Variants in NAV1 observed in about 807,000 individuals in gnomAD.
The protein encoded by NAV1 is pore membrane and/or filament interacting like protein 3.
Under a neutral mutation model 175.2 loss-of-function variants are expected in NAV1, and 18 were observed. The observed-to-expected ratio is 0.10, with a 90% CI of 0.07 to 0.15. The LOEUF (loss-of-function observed/expected upper bound fraction) is 0.15, where lower values mean the gene tolerates loss of function less well. Ranked by LOEUF, NAV1 falls within the 10% of genes least tolerant of loss-of-function variation. NAV1 has a pLI of 1.00. For synonymous variants in NAV1, 897 were observed against 978.7 expected, an observed-to-expected ratio of 0.92 and a Z score of 1.56; for missense variants, 1,731 against 2,436.6, an observed-to-expected ratio of 0.71 and a Z score of 6.10.
rs537774011 is a variant in NAV1, at chr1:201,667,020, A to C, written c.757+17595A>C. Among the ~76,000 whole-genome samples, 328 of 152,276 alleles carry C rather than the reference A, an allele frequency of 2.2e-3. 2 individuals carry two copies. Among genetic ancestry groups the C allele is most frequent in the Non-Finnish European group, 2.4e-3 (164 of 68,016 alleles). ...TCAAGACACCTCTGGGTCAGAATTC[A>C]CCTGAGAGTGTGGGCGCAGCTGAGG... is the stretch of plus-strand genomic sequence containing the variant. On this transcript the variant is annotated intron_variant, in intron 1 of 29. Coordinates refer to ENST00000367296, the Ensembl canonical transcript of NAV1.
rs1421372787 is a variant in NAV1 at position 201,605,225 on chromosome 1, C to G, written c.-33+16576C>G. 2.0e-5 allele frequency among the ~76,000 whole-genome samples: 3 copies of G among 151,172 alleles called. No individual in the cohort carries two copies. The Admixed American group carries it at 2.0e-4, about 10-fold the overall frequency. ...GGTGTTTCTCTACTTTCCACCTTCC[C>G]TCTCCATCCTCTCTGCTCCTTTAGA... is the stretch of plus-strand genomic sequence containing the variant. On this transcript the variant is annotated intron_variant, in intron 2 of 33. Transcript: ENST00000685211.
intron 1 of NAV1, among the ~76,000 whole-genome samples, chr1:201,552,165 AG>A (rs1175201762): frequency 6.6e-6 from 1 of 152,156 alleles, no homozygotes; most frequent in Non-Finnish European, 1.5e-5. Context: ...GATGGCAGGG[AG>A]GGGGCCAGAG....
chr1:201,782,692 C>T lies in NAV1; in HGVS notation c.2180C>T (p.Thr727Ile). 6.2e-7 allele frequency: 1 copy of T among 1,614,190 alleles called. No individual in the cohort carries two copies. Among genetic ancestry groups the T allele is most frequent in the Non-Finnish European group, 8.5e-7 (1 of 1,180,044 alleles). The stretch of plus-strand genomic sequence containing the variant: ...ACCAAGGTAGCCAGTGGGCGGACCA[C>T]TCCAGCCCCTGTCAATCAGACAGAT... Residue 727 changes from threonine to isoleucine, a missense_variant, in exon 6 of 30, where the codon ACT (threonine) becomes ATT (isoleucine). Thr to Ile is a moderately conservative substitution (Grantham distance 89, BLOSUM62 -1). Coordinates refer to ENST00000367296, the Ensembl canonical transcript of NAV1. This position sits in a 1 kb window ranked among gnomAD's most constrained non-coding sequence, Gnocchi z 5.4.
At chr1:201,752,136 G>A (rs767028911) in intron 3 of NAV1, among the ~76,000 whole-genome samples, 5 of 152,154 alleles carry the variant, frequency 3.3e-5, no homozygotes, top group Non-Finnish European at 5.9e-5. Context: ...TTCACCAAGA[G>A]TAAGCAGTCC....
In NAV1 at chr1:201,810,819, T is replaced by TTC; in HGVS notation, c.4797+62_4797+63dup. On this transcript the variant is annotated intron_variant, in intron 24 of 29. Transcript: ENST00000367296. The surrounding 1 kb of genome is among the most constrained non-coding windows in gnomAD (Gnocchi z 6.0). ...CATGCCTCAGCCTTCCCTAAGACCC[T>TTC]TCCTCGGCCCCTTCCTGCCTCATTG... 3 of 1,294,018 alleles carry TTC rather than the reference T, an allele frequency of 2.3e-6. No homozygotes were observed. Among genetic ancestry groups the TTC allele is most frequent in the Non-Finnish European group, 2.2e-6 (2 of 909,416 alleles). 80.2% of individuals were successfully genotyped at this position (1,294,018 alleles called of 1,614,324 possible). A position where few individuals can be genotyped will look rare whatever the true frequency, so the allele number is the denominator to read the frequency against.
At chr1:201,806,214 A>T (rs1360358535) in intron 17 of NAV1, among the ~76,000 whole-genome samples, 1 of 151,974 alleles carries the variant, frequency 6.6e-6, no homozygotes, top group Admixed American at 6.6e-5. Flanking sequence ...CAAACTCCTG[A>T]CCTCAGCTGA....
At chr1:201,819,852 A>C in exon 30 of NAV1, 1 of 1,614,094 alleles carries the variant, frequency 6.2e-7, no homozygotes, top group Non-Finnish European at 8.5e-7. Context: ...CATGCTGCTG[A>C]AACTTCAAGA....
intron 15 of NAV1, among the ~76,000 whole-genome samples, chr1:201,799,860 C>CAAA (rs548818131): frequency 1.3e-5 from 1 of 77,168 alleles, no homozygotes; most frequent in East Asian, 3.8e-4. Context: ...AACTTCATCT[C>CAAA]AAAAAAAAAA....
chr1:201,784,477 A>C (rs1362138021), intron 7 of NAV1, among the ~76,000 whole-genome samples: 1 of 151,666 alleles, frequency 6.6e-6, no homozygotes, highest in African/African-American at 2.4e-5. Context: ...CTTTTCTTTT[A>C]TATCACATCC....
At chr1:201,729,380 C>T (rs1051006783) in intron 3 of NAV1, among the ~76,000 whole-genome samples, 1 of 152,230 alleles carries the variant, frequency 6.6e-6, no homozygotes, top group Non-Finnish European at 1.5e-5. Context: ...CACAGTGGCT[C>T]ACACCTGTAA....
chr1:201,615,110 T>C (rs1161966032), intron 2 of NAV1, among the ~76,000 whole-genome samples: 1 of 152,172 alleles, frequency 6.6e-6, no homozygotes, highest in Admixed American at 6.5e-5. Flanking sequence ...ACTGTTCCAC[T>C]TTGCCTGGGA....
intron 29 of NAV1, among the ~76,000 whole-genome samples, chr1:201,818,178 G>A (rs893919122): frequency 9.2e-5 from 14 of 152,182 alleles, no homozygotes; most frequent in South Asian, 2.1e-4. Context: ...ACAGTGAGCC[G>A]TGATTACACC....
intron 1 of NAV1, among the ~76,000 whole-genome samples, chr1:201,551,575 T>C (rs1665856389): frequency 6.6e-6 from 1 of 152,182 alleles, no homozygotes; most frequent in Non-Finnish European, 1.5e-5. Context: ...AGACATCATG[T>C]CTGTTATACA....
chr1:201,619,183 G>A (rs1668085463), upstream of NAV1, among the ~76,000 whole-genome samples: 1 of 152,238 alleles, frequency 6.6e-6, no homozygotes, highest in Non-Finnish European at 1.5e-5. Flanking sequence ...TCATGATCCA[G>A]GAAAAACAGC....
chr1:201,632,601 G>T (rs980991407), intron 2 of NAV1, among the ~76,000 whole-genome samples: 5 of 152,250 alleles, frequency 3.3e-5, no homozygotes. Flanking sequence ...TTGCCCCAAG[G>T]CTTATGCAGA....
intron 2 of NAV1, among the ~76,000 whole-genome samples, chr1:201,616,170 A>G (rs1329562253): frequency 6.6e-6 from 1 of 152,190 alleles, no homozygotes; most frequent in Non-Finnish European, 1.5e-5. Flanking sequence ...AGAGGAGAGA[A>G]CTCAGAGGTT....
At chr1:201,802,457 T>TA (rs34494216) in intron 15 of NAV1, among the ~76,000 whole-genome samples, 1,144 of 101,080 alleles carry the variant, frequency 0.011, 37 homozygotes, top group African/African-American at 0.035. Flanking sequence ...CCTGTCTCAT[T>TA]AAAAAAAAAA....
exon 1 of NAV1, chr1:201,649,322 C>G (rs1234367036): frequency 6.2e-7 from 1 of 1,612,496 alleles, no homozygotes; most frequent in Non-Finnish European, 8.5e-7. Flanking sequence ...GGCCTGTCCC[C>G]TCTGCCAAGG....
intron 3 of NAV1, among the ~76,000 whole-genome samples, chr1:201,732,916 C>G (rs1356567830): frequency 1.3e-5 from 2 of 151,646 alleles, no homozygotes; most frequent in African/African-American, 4.9e-5. Context: ...ACTAAAAATA[C>G]AAAAATTAGC....
Sources: gnomAD v4.1 joint callset for allele counts (sites outside exome capture counted in the v4.1 genomes callset) on GRCh38, gnomAD v4.1.1 for gene constraint, Gnocchi (gnomAD v3.1) non-coding constraint, MANE v1.5 for transcripts, NCBI Gene and HGNC (gene_info 2026-07-23, HGNC 2026-07-21) for gene names.